The following LIFR variants were observed in gnomAD, a reference collection of about 807,000 sequenced individuals.
The protein encoded by LIFR is leukemia inhibitory factor receptor.
In LIFR, 84 loss-of-function variants were observed where a neutral mutation model predicts 122.2. The ratio of observed to expected loss-of-function variants is 0.69; its 90% CI spans 0.58 to 0.82. The LOEUF is 0.82. Among genes scored for constraint, LIFR ranks in the 40% least tolerant of loss-of-function variants. The probability of loss-of-function intolerance (pLI) is 0.00; values close to 1 mark genes in which losing one functional copy is unlikely to be tolerated. For synonymous variants in LIFR, 422 were observed against 434.7 expected (o/e 0.97, Z 0.36); for missense variants, 1,294 against 1,311.6 (o/e 0.99, Z 0.21).
intron 14 of LIFR, among the ~76,000 whole-genome samples, 176 bp from the exon 15 acceptor site, chr5:38,490,467 T>G (rs1744524337): frequency 1.3e-5 from 2 of 152,174 alleles, no homozygotes; most frequent in Non-Finnish European, 2.9e-5. Context: ...GAAAATTGAC[T>G]AAACAAAAAT....
chr5:38,531,481 T>C (rs937541650), intron 1 of LIFR, among the ~76,000 whole-genome samples: 1 of 150,826 alleles, frequency 6.6e-6, no homozygotes, highest in African/African-American at 2.4e-5. Context: ...ACAAGAAAAC[T>C]TAAAAGAAAA....
rs781371324 is a variant in LIFR at position 38,482,082 on chromosome 5, C to A, written c.2807G>T (p.Arg936Leu). 2.5e-6 allele frequency: 4 copies of A among 1,600,998 alleles called. No homozygotes were observed. The highest frequency in any genetic ancestry group is 1.7e-4 in the Middle Eastern group (1 of 5,974). Reference protein sequence around the residue: ...ISPVAERPEDRSDAEPENHVV... With the variant: ...ISPVAERPEDLSDAEPENHVV... ...ATGGTTTTCAGGCTCTGCATCAGAG[C>A]GATCTTCAGGACGCTCAGCTACTGG... Residue 936 changes from arginine (R) to leucine (L), a missense_variant, in exon 20 of 20, where the codon CGC becomes CTC. By Grantham distance (102) the Arg-to-Leu change is moderately radical. Coordinates refer to ENST00000453190, the MANE Select transcript of LIFR (RefSeq NM_001127671.2).
intron 12 of LIFR, 39 bp downstream of exon 12, chr5:38,499,474 A>G (rs1358968225): frequency 7.4e-7 from 1 of 1,355,722 alleles, no homozygotes; most frequent in Admixed American, 1.7e-5. Flanking sequence ...GCAGTTTAGC[A>G]AAGTAATGTA....
chr5:38,600,989 C>T (rs1361883124), intron 2 of LIFR, among the ~76,000 whole-genome samples: 2 of 152,218 alleles, frequency 1.3e-5, no homozygotes, highest in African/African-American at 4.8e-5. Flanking sequence ...AGGGGTAACA[C>T]TGACCTTAGA....
intron 2 of LIFR, among the ~76,000 whole-genome samples, chr5:38,601,161 A>G (rs1750215969): frequency 6.6e-6 from 1 of 152,190 alleles, no homozygotes; most frequent in Non-Finnish European, 1.5e-5. Context: ...GCCTTCATGC[A>G]TGGGATTAGT....
chr5:38,571,698 A>G (rs1330285380), intron 1 of LIFR, among the ~76,000 whole-genome samples: 2 of 152,186 alleles, frequency 1.3e-5, no homozygotes, highest in Non-Finnish European at 2.9e-5. Flanking sequence ...TTATGTTTCT[A>G]TGAGATGTTA....
In LIFR at chr5:38,505,211, G is replaced by A. The variant is rs143077182; in HGVS notation, c.1291+694C>T. On this transcript the variant is annotated intron_variant, in intron 9 of 19. Transcript: ENST00000453190. ...CTGCATACTGTATGATTTTACTTAT[G>A]TAACAATCTCAAACTGATAAAACAG... Among the ~76,000 whole-genome samples, 1,083 of 152,110 alleles carry A rather than the reference G, an allele frequency of 7.1e-3. 18 individuals carry two copies. The highest frequency in any genetic ancestry group is 0.033 in the Admixed American group (511 of 15,272).
rs550538923 is a variant in LIFR at position 38,564,023 on chromosome 5, T to G, written c.-20+31238A>C. 2.0e-5 allele frequency among the ~76,000 whole-genome samples: 3 copies of G among 152,286 alleles called. No homozygotes were observed. The South Asian group carries it at 6.2e-4, about 32-fold the overall frequency. ...TCAACCCAAAGGACATGCTCTGAAT[T>G]CTGTCTCTCTTTAGTCCAAATGGCT... On this transcript the variant is annotated intron_variant, in intron 1 of 19. Transcript: ENST00000263409.
rs370942362 is a variant in LIFR, at chr5:38,506,172, A to C, written c.1122-98T>G. On this transcript the variant is annotated intron_variant, in intron 8 of 19. Coordinates refer to ENST00000453190, the MANE Select transcript of LIFR (RefSeq NM_001127671.2). ...AATACTTAATTTGTATAAAAAGTTT[A>C]AATTTCTAATTAGAAGCATATTACA... 1.5e-4 allele frequency: 119 copies of C among 789,660 alleles called. No individual in the cohort carries two copies. In the African/African-American group the frequency reaches 1.9e-3, roughly 13 times the overall value. The allele number at this position is 789,660 out of a possible 1,614,324, so 48.9% of individuals were successfully genotyped here. A position where few individuals can be genotyped will look rare whatever the true frequency, so the allele number is the denominator to read the frequency against.
At chr5:38,501,061 C>A (rs1745148726) in intron 11 of LIFR, among the ~76,000 whole-genome samples, 2 of 152,074 alleles carry the variant, frequency 1.3e-5, no homozygotes, top group Admixed American at 1.3e-4. Flanking sequence ...GCAGTCCCCA[C>A]CCACATTCCT....
intron 7 of LIFR, among the ~76,000 whole-genome samples, chr5:38,508,518 G>GGT (rs923194317): frequency 2.6e-5 from 4 of 151,990 alleles, no homozygotes; most frequent in African/African-American, 9.7e-5. Flanking sequence ...TGATTGGGTA[G>GGT]GTGTGTGTGC....
intron 13 of LIFR, among the ~76,000 whole-genome samples, chr5:38,495,313 T>C (rs1045130923): frequency 6.6e-6 from 1 of 152,206 alleles, no homozygotes; most frequent in African/African-American, 2.4e-5. Flanking sequence ...TAAATCAGTA[T>C]GTTATCTTCT....
At position 38,510,386 on chromosome 5, in the gene LIFR, C is replaced by G. The variant is rs74946482; in HGVS notation, c.991+78G>C. 0.02 allele frequency: 25,530 copies of G among 1,280,840 alleles called. 361 individuals are homozygous for G. Among genetic ancestry groups the G allele is most frequent in the Non-Finnish European group, 0.023 (20,901 of 890,824 alleles). The allele number at this position is 1,280,840 out of a possible 1,614,324, so 79.3% of individuals were successfully genotyped here. On this transcript the variant is annotated intron_variant, in intron 7 of 19. Transcript: ENST00000453190. Reference sequence around the variant, plus strand: ...AACAGAATCACTCCTCCCACCCCCCCACTCCAGAAGAATTAAGGCTTTCAA... The same window carrying G: ...AACAGAATCACTCCTCCCACCCCCCGACTCCAGAAGAATTAAGGCTTTCAA...
upstream of LIFR, chr5:38,558,242 G>A (rs546148597): frequency 1.3e-3 from 194 of 152,236 alleles, no homozygotes; most frequent in African/African-American, 4.4e-3. Context: ...GCTCAACGAA[G>A]GCAAAAAGGC....
intron 1 of LIFR, among the ~76,000 whole-genome samples, chr5:38,532,808 G>T (rs1367634575): frequency 1.3e-5 from 2 of 152,178 alleles, no homozygotes; most frequent in East Asian, 3.9e-4. Context: ...GAAAAAAAGT[G>T]ATGCTTGTGA....
rs914928099 is a variant in LIFR at position 38,545,752 on chromosome 5, T to C, written c.-20+10582A>G. The stretch of plus-strand genomic sequence containing the variant: ...TGGCGGGCGCCTGTAGTCCCAGCTA[T>C]GTGGGAGGCTGAGGCAGGAGAATGG... On this transcript the variant is annotated intron_variant, in intron 1 of 19. Transcript: ENST00000453190. 4.7e-5 allele frequency among the ~76,000 whole-genome samples: 7 copies of C among 150,026 alleles called. No individual in the cohort carries two copies. In the East Asian group the frequency reaches 5.9e-4, roughly 13 times the overall value.
At position 38,481,790 on chromosome 5, in the gene LIFR, A is replaced by G. The variant is rs748122146; in HGVS notation, c.3099T>C (p.Asn1033=). The change falls in exon 20 of 20, where the codon AAT becomes AAC. Residue 1033 remains asparagine (N), a synonymous_variant. Coordinates refer to ENST00000453190, the MANE Select transcript of LIFR (RefSeq NM_001127671.2). ...DKTAGYRPQA[N]VNTWNLVSPD... is the part of the protein sequence containing the mutation. ...GAGACACTAAATTCCATGTATTTAC[A>G]TTGGCCTGAGGTCTGTAACCCGCAG... 6.2e-7 allele frequency: 1 copy of G among 1,613,992 alleles called. No individual in the cohort carries two copies. The highest frequency in any genetic ancestry group is 1.3e-5 in the African/African-American group (1 of 74,906).
chr5:38,594,783 G>A (rs1405119496), intron 1 of LIFR: 1 of 181,194 alleles, frequency 5.5e-6, no homozygotes, highest in Non-Finnish European at 1.2e-5. Context: ...GTAGTTATAT[G>A]TGATTCTATC....
intron 1 of LIFR, among the ~76,000 whole-genome samples, chr5:38,553,583 G>C (rs1374049932): frequency 3.8e-5 from 5 of 129,932 alleles, no homozygotes; most frequent in Non-Finnish European, 8.1e-5. Context: ...AAAGGCAAGA[G>C]AATGCCTTAA....
Sources: gnomAD v4.1 joint callset for allele counts (sites outside exome capture counted in the v4.1 genomes callset) on GRCh38, gnomAD v4.1.1 for gene constraint, MANE v1.5 for transcripts, NCBI Gene and HGNC (gene_info 2026-07-23, HGNC 2026-07-21) for gene names.